The following SAMD3 variants were observed in gnomAD, a reference collection of about 807,000 sequenced individuals.
SAMD3 encodes the protein sterile alpha motif domain containing 3, also known as sterile alpha motif domain-containing protein 3.
A neutral mutation model predicts 58.5 loss-of-function variants in SAMD3; 63 were observed. That is an observed-to-expected ratio of 1.08 (90% CI 0.88 to 1.33). SAMD3 has a LOEUF of 1.33. SAMD3 is among the 40% of genes most tolerant of loss of function. The pLI is 0.00. For missense variants in SAMD3, 604 were observed against 608.4 expected (o/e 0.99, Z 0.08); for synonymous variants, 220 against 210.3 (o/e 1.05, Z -0.40).
intron 2 of SAMD3, among the ~76,000 whole-genome samples, chr6:130,273,981 A>T (rs749207089): frequency 2.6e-5 from 4 of 152,206 alleles, no homozygotes; most frequent in Non-Finnish European, 5.9e-5. Flanking sequence ...TCTACAAGTG[A>T]ATTTTACACT....
intron 8 of SAMD3, among the ~76,000 whole-genome samples, chr6:130,165,832 G>T (rs1790689658): frequency 6.6e-6 from 1 of 152,118 alleles, no homozygotes; most frequent in African/African-American, 2.4e-5. Flanking sequence ...TGCTTCAAAT[G>T]GGGCATTTGA....
chr6:130,203,365 G>A (rs1278271436), intron 5 of SAMD3, among the ~76,000 whole-genome samples: 3 of 152,190 alleles, frequency 2.0e-5, no homozygotes, highest in Middle Eastern at 3.2e-3. Flanking sequence ...TACTCAGCTG[G>A]TAAATGACAG....
intron 2 of SAMD3, among the ~76,000 whole-genome samples, chr6:130,286,927 C>T (rs1775177178): frequency 6.6e-6 from 1 of 152,162 alleles, no homozygotes; most frequent in African/African-American, 2.4e-5. Flanking sequence ...CCAGACTGGT[C>T]TCAAACTCCT....
chr6:130,249,359 G>T (rs563361263), intron 2 of SAMD3, among the ~76,000 whole-genome samples: 18 of 151,986 alleles, frequency 1.2e-4, no homozygotes, highest in African/African-American at 4.1e-4. Context: ...TACATCCAAA[G>T]CCTCATTTCT....
intron 8 of SAMD3, among the ~76,000 whole-genome samples, chr6:130,167,893 A>C (rs4576278): frequency 0.041 from 6,221 of 152,286 alleles, 170 homozygotes; most frequent in Non-Finnish European, 0.06. Context: ...TATATATATA[A>C]CATGATGATA....
intron 5 of SAMD3, among the ~76,000 whole-genome samples, chr6:130,208,896 T>G (rs1795299469): frequency 6.6e-6 from 1 of 152,222 alleles, no homozygotes; most frequent in African/African-American, 2.4e-5. Flanking sequence ...TTCTAGGGGA[T>G]GCCGTGACCT....
At chr6:130,176,165 T>A (rs900490971) in intron 7 of SAMD3, 157 bp from the exon 8 acceptor site, 2 of 700,678 alleles carry the variant, frequency 2.9e-6, no homozygotes, top group Admixed American at 2.1e-5. Context: ...CTTCCTTTTA[T>A]CCTCACAGCA....
At chr6:130,350,886 C>A (rs1777635336) in intron 1 of SAMD3, among the ~76,000 whole-genome samples, 1 of 152,166 alleles carries the variant, frequency 6.6e-6, no homozygotes, top group East Asian at 1.9e-4. Context: ...AGATATAGAC[C>A]AATGGAACAG....
At chr6:130,324,107 C>G (rs1005355596) in intron 1 of SAMD3, among the ~76,000 whole-genome samples, 2 of 152,036 alleles carry the variant, frequency 1.3e-5, no homozygotes, top group Admixed American at 1.3e-4. Context: ...AATAAACCTT[C>G]AAAATGTCTT....
intron 5 of SAMD3, among the ~76,000 whole-genome samples, chr6:130,208,854 G>T (rs1745679713): frequency 6.6e-6 from 1 of 152,106 alleles, no homozygotes. Context: ...CATGAAATCA[G>T]TCCATGGTGT....
intron 2 of SAMD3, among the ~76,000 whole-genome samples, chr6:130,285,361 T>C (rs1775119811): frequency 6.6e-6 from 1 of 152,050 alleles, no homozygotes; most frequent in Non-Finnish European, 1.5e-5. Context: ...CAGATCAAAT[T>C]GAGAGAAAGA....
At chr6:130,156,708 C>T (rs1209155807) in intron 8 of SAMD3, among the ~76,000 whole-genome samples, 5 of 152,150 alleles carry the variant, frequency 3.3e-5, no homozygotes, top group Admixed American at 1.3e-4. Context: ...CAGCAGCTCA[C>T]ACCCAGTAAT....
At chr6:130,304,413 A>T (rs62433904) in intron 2 of SAMD3, among the ~76,000 whole-genome samples, 25,648 of 152,020 alleles carry the variant, frequency 0.17, 2,424 homozygotes, top group East Asian at 0.36. Flanking sequence ...CAGGTGATTC[A>T]CCCGCCTCGG....
chr6:130,355,540 G>T (rs1170798034), intron 1 of SAMD3, among the ~76,000 whole-genome samples: 2 of 152,200 alleles, frequency 1.3e-5, no homozygotes, highest in Non-Finnish European at 1.5e-5. Flanking sequence ...GTTTATCCAT[G>T]TAGTTTCAAA....
At chr6:130,348,367 A>T (rs1191939822) in intron 1 of SAMD3, among the ~76,000 whole-genome samples, 2 of 152,200 alleles carry the variant, frequency 1.3e-5, no homozygotes, top group East Asian at 3.8e-4. Context: ...GGCTCAAAAT[A>T]AAGGGATGGA....
In SAMD3 at chr6:130,229,373, T is replaced by G. The variant is rs547046872; in HGVS notation, c.-187-6560A>C. On this transcript the variant is annotated intron_variant, in intron 2 of 13. Coordinates refer to the SAMD3 transcript ENST00000368134. Reference sequence around the variant, plus strand: ...GACTTCATGACACAGCCCTAGGAAGTAAGAGTGGCGGATCCCCAGGAAGAA... The same window carrying G: ...GACTTCATGACACAGCCCTAGGAAGGAAGAGTGGCGGATCCCCAGGAAGAA... Among the ~76,000 whole-genome samples the G allele has an allele frequency of 7.5e-4, 114 of 152,312 alleles. 2 individuals carry two copies. In the South Asian group the frequency reaches 0.018, roughly 24 times the overall value.
intron 2 of SAMD3, among the ~76,000 whole-genome samples, chr6:130,286,702 A>C (rs955590330): frequency 6.6e-6 from 1 of 152,032 alleles, no homozygotes; most frequent in African/African-American, 2.4e-5. Flanking sequence ...TTATCCCTAG[A>C]GAAGCTCATT....
intron 8 of SAMD3, among the ~76,000 whole-genome samples, chr6:130,170,443 A>T (rs1562391629): frequency 6.6e-6 from 1 of 152,142 alleles, no homozygotes; most frequent in Non-Finnish European, 1.5e-5. Context: ...TATCCAGTCT[A>T]TCATTGATGG....
intron 7 of SAMD3, among the ~76,000 whole-genome samples, chr6:130,176,827 G>A (rs1791772713): frequency 6.6e-6 from 1 of 152,150 alleles, no homozygotes. Flanking sequence ...GGGAGAGCTG[G>A]TGCCCCTTAG....
Sources: gnomAD v4.1 joint callset for allele counts (sites outside exome capture counted in the v4.1 genomes callset) on GRCh38, gnomAD v4.1.1 for gene constraint, MANE v1.5 for transcripts, NCBI Gene and HGNC (gene_info 2026-07-23, HGNC 2026-07-21) for gene names.